Variants in TRIM43B observed in about 807,000 individuals in gnomAD.
The protein encoded by TRIM43B is tripartite motif-containing protein 43B.
In TRIM43B, 15 loss-of-function variants were observed where a neutral mutation model predicts 27.0. That is an observed-to-expected ratio of 0.55 (90% CI 0.37 to 0.85). The LOEUF (loss-of-function observed/expected upper bound fraction) is 0.85. Ranked by LOEUF, TRIM43B falls within the 40% of genes least tolerant of loss-of-function variation. TRIM43B has a pLI of 0.00. For missense variants in TRIM43B, 172 were observed against 289.8 expected, an observed-to-expected ratio of 0.59 and a Z score of 2.95; for synonymous variants, 69 against 97.8, an observed-to-expected ratio of 0.71 and a Z score of 1.74.
At chr2:95,482,595 G>A (rs765253968) in exon 2 of TRIM43B, 1 of 1,613,334 alleles carries the variant, frequency 6.2e-7, no homozygotes, top group African/African-American at 1.3e-5. Context: ...CCCACGAAAG[G>A]CAGAGACAGG....
chr2:95,482,544 T>C (rs767220334), exon 2 of TRIM43B: 11 of 1,611,770 alleles, frequency 6.8e-6, no homozygotes, highest in Non-Finnish European at 9.3e-6. Flanking sequence ...TCGGTGATGG[T>C]TCCCTGCATG....
At chr2:95,483,383 T>A (rs554914556) in intron 1 of TRIM43B, among the ~76,000 whole-genome samples, 6 of 152,288 alleles carry the variant, frequency 3.9e-5, no homozygotes, top group Middle Eastern at 3.4e-3. Context: ...CTGGACAGTC[T>A]GTTAATTTGG....
At chr2:95,480,347 T>G in exon 4 of TRIM43B, 1 of 1,609,994 alleles carries the variant, frequency 6.2e-7, no homozygotes, top group Non-Finnish European at 8.5e-7. Context: ...TTTCCATTAG[T>G]TCCTGATACA....
exon 2 of TRIM43B, chr2:95,482,651 G>C: frequency 6.2e-7 from 1 of 1,613,776 alleles, no homozygotes; most frequent in Non-Finnish European, 8.5e-7. Flanking sequence ...GGGTCTACCA[G>C]GTAGTTCAAA....
chr2:95,481,539 T>C lies in TRIM43B; in HGVS notation c.507+56A>G. Reference sequence around the variant, plus strand: ...TTTCAACTCAAGTTGCTAATATAAATGTTGTCAGCATGCCTGTCTCAAGCT... The same window carrying C: ...TTTCAACTCAAGTTGCTAATATAAACGTTGTCAGCATGCCTGTCTCAAGCT... On this transcript the variant is annotated intron_variant, in intron 3 of 6. Transcript: ENST00000639673. 2.2e-6 allele frequency: 3 copies of C among 1,370,326 alleles called. No individual in the cohort carries two copies. In the South Asian group the frequency reaches 4.3e-5, roughly 20 times the overall value. The allele number at this position is 1,370,326 out of a possible 1,614,324, so 84.9% of individuals were successfully genotyped here.
chr2:95,483,732 C>G lies in TRIM43B; in HGVS notation c.-5+874G>C, dbSNP rs1248043226. Among the ~76,000 whole-genome samples, 254 of 151,446 alleles carry G rather than the reference C, an allele frequency of 1.7e-3. 2 individuals carry two copies. The highest frequency in any genetic ancestry group is 2.7e-3 in the Non-Finnish European group (185 of 67,658). On this transcript the variant is annotated intron_variant, in intron 1 of 6. Coordinates refer to ENST00000639673, the Ensembl canonical transcript of TRIM43B. ...AGTCCCAGCTACTCTGGAGGCGGGG[C>G]CTGGAGAATGGCGTGAACCCGGGAG...
intron 1 of TRIM43B, among the ~76,000 whole-genome samples, chr2:95,483,441 T>G (rs1435904850): frequency 6.6e-6 from 1 of 152,080 alleles, no homozygotes; most frequent in Non-Finnish European, 1.5e-5. Flanking sequence ...AGACAATTAA[T>G]TCAATTTACA....
At chr2:95,483,914 A>C (rs997616867) in intron 1 of TRIM43B, among the ~76,000 whole-genome samples, 39 of 152,028 alleles carry the variant, frequency 2.6e-4, no homozygotes, top group African/African-American at 9.4e-4. Flanking sequence ...AATACAAATA[A>C]AAATTAAAAC....
chr2:95,484,414 C>T (rs1683604112), intron 1 of TRIM43B, among the ~76,000 whole-genome samples, 192 bp downstream of exon 1: 1 of 151,438 alleles, frequency 6.6e-6, no homozygotes, highest in African/African-American at 2.4e-5. Flanking sequence ...ACATGGTGGC[C>T]CATGTTTAAT....
At chr2:95,484,107 A>G (rs1278206996) in intron 1 of TRIM43B, among the ~76,000 whole-genome samples, 1 of 150,506 alleles carries the variant, frequency 6.6e-6, no homozygotes, top group Non-Finnish European at 1.5e-5. Flanking sequence ...GCGGTGGCTC[A>G]GGCCTGTAAT....
exon 2 of TRIM43B, chr2:95,482,319 T>G (rs1417755734): frequency 6.2e-7 from 1 of 1,611,658 alleles, no homozygotes; most frequent in Non-Finnish European, 8.5e-7. Flanking sequence ...CTTCCTCAGC[T>G]GCCTCTTCGA....
chr2:95,484,684 T>C (rs1047722387), exon 1 of TRIM43B: 20 of 151,982 alleles, frequency 1.3e-4, no homozygotes, highest in African/African-American at 4.8e-4. Flanking sequence ...AGTCTCACAG[T>C]GCAGTGCTGG....
At chr2:95,484,679 C>T (rs1558815084) in exon 1 of TRIM43B, 1 of 151,970 alleles carries the variant, frequency 6.6e-6, no homozygotes, top group Non-Finnish European at 1.5e-5. Flanking sequence ...ATGAGAGTCT[C>T]ACAGTGCAGT....
chr2:95,483,205 G>C (rs1180653371), intron 1 of TRIM43B, among the ~76,000 whole-genome samples: 1 of 152,026 alleles, frequency 6.6e-6, no homozygotes, highest in Non-Finnish European at 1.5e-5. Context: ...AAATGTTAGA[G>C]CAGAACTCAT....
intron 1 of TRIM43B, among the ~76,000 whole-genome samples, chr2:95,483,849 A>G (rs1558814752): frequency 2.0e-5 from 3 of 151,994 alleles, no homozygotes; most frequent in Non-Finnish European, 4.4e-5. Context: ...AAAAACAAAA[A>G]CAAAAACGAG....
At chr2:95,480,201 T>C in intron 4 of TRIM43B, 104 bp downstream of exon 4, 1 of 1,488,054 alleles carries the variant, frequency 6.7e-7, no homozygotes, top group East Asian at 2.5e-5. Context: ...ACTCTCACCG[T>C]CAGTGCAGGA....
At chr2:95,484,538 A>T (rs1297577972) in intron 1 of TRIM43B, 68 bp downstream of exon 1, 1 of 152,132 alleles carries the variant, frequency 6.6e-6, no homozygotes, top group Non-Finnish European at 1.5e-5. Flanking sequence ...CAGATAAATT[A>T]AAGTCCCCAA....
intron 3 of TRIM43B, 52 bp downstream of exon 3, chr2:95,481,543 G>C (rs1204250413): frequency 7.1e-7 from 1 of 1,407,784 alleles, no homozygotes; most frequent in Non-Finnish European, 9.6e-7. Flanking sequence ...TATAAATGTT[G>C]TCAGCATGCC....
rs925689074 is a variant in TRIM43B, at chr2:95,481,509, G to A, written c.507+86C>T. 20 of 1,023,506 alleles carry A rather than the reference G, an allele frequency of 2.0e-5. No individual in the cohort carries two copies. The Admixed American group carries it at 4.7e-4, about 24-fold the overall frequency. The allele number at this position is 1,023,506 out of a possible 1,614,324, so 63.4% of individuals were successfully genotyped here. A position where few individuals can be genotyped will look rare whatever the true frequency, so the allele number is the denominator to read the frequency against. ...AAACACATGACAAAATCTGGCATAT[G>A]AGAATTTCAACTCAAGTTGCTAATA... On this transcript the variant is annotated intron_variant, in intron 3 of 6. Transcript: ENST00000639673.
Sources: gnomAD v4.1 joint callset for allele counts (sites outside exome capture counted in the v4.1 genomes callset) on GRCh38, gnomAD v4.1.1 for gene constraint, MANE v1.5 for transcripts, NCBI Gene and HGNC (gene_info 2026-07-23, HGNC 2026-07-21) for gene names.